The following TTLL5 variants were observed in gnomAD, a reference collection of about 807,000 sequenced individuals.
TTLL5 encodes the protein tubulin polyglutamylase TTLL5.
In TTLL5, 132 loss-of-function variants were observed where a neutral mutation model predicts 168.4. The ratio of observed to expected loss-of-function variants is 0.78; its 90% confidence interval spans 0.68 to 0.91. The LOEUF (loss-of-function observed/expected upper bound fraction) is 0.91. TTLL5 is among the 40% of genes least tolerant of loss of function. TTLL5 has a pLI of 0.00. For synonymous variants in TTLL5, 546 were observed against 558.6 expected, an observed-to-expected ratio of 0.98 and a Z score of 0.32; for missense variants, 1,545 against 1,581.5, an observed-to-expected ratio of 0.98 and a Z score of 0.39.
At chr14:75,808,405 A>G (rs989045265) in intron 27 of TTLL5, among the ~76,000 whole-genome samples, 2 of 152,190 alleles carry the variant, frequency 1.3e-5, no homozygotes, top group East Asian at 1.9e-4. Context: ...GGTTTATTTT[A>G]TCAGCATCCA....
At chr14:75,735,349 T>G in intron 15 of TTLL5, 60 bp downstream of exon 15, 2 of 1,539,098 alleles carry the variant, frequency 1.3e-6, no homozygotes, top group Non-Finnish European at 1.8e-6. Flanking sequence ...GCGGCTGATG[T>G]AACTGTGGGA....
intron 9 of TTLL5, chr14:75,709,441 T>C: frequency 8.9e-6 from 4 of 451,570 alleles, no homozygotes; most frequent in Non-Finnish European, 1.6e-5. Context: ...GTCATATTCT[T>C]AACTGAGATT....
chr14:75,773,153 T>C (rs1044279802), intron 21 of TTLL5, among the ~76,000 whole-genome samples: 2 of 152,208 alleles, frequency 1.3e-5, no homozygotes, highest in Non-Finnish European at 2.9e-5. Context: ...AAACAACTTA[T>C]GAATTTAAAG....
At chr14:75,926,434 T>C (rs2034072934) in intron 31 of TTLL5, among the ~76,000 whole-genome samples, 1 of 152,190 alleles carries the variant, frequency 6.6e-6, no homozygotes, top group African/African-American at 2.4e-5. Flanking sequence ...ATGCAGTTTC[T>C]TCATAGCATC....
chr14:75,694,529 T>C (rs1286403318), intron 6 of TTLL5, among the ~76,000 whole-genome samples: 1 of 152,124 alleles, frequency 6.6e-6, no homozygotes, highest in African/African-American at 2.4e-5. Context: ...AGATGGGGTT[T>C]CACCATGTTG....
At chr14:75,775,443 A>G (rs1221805472) in intron 21 of TTLL5, 41 bp from the exon 22 acceptor site, 5 of 1,607,430 alleles carry the variant, frequency 3.1e-6, no homozygotes, top group Admixed American at 1.7e-5. Flanking sequence ...GCTTAGCACC[A>G]TCCCTCCTTT....
chr14:75,873,046 A>G (rs2139990340), intron 29 of TTLL5, among the ~76,000 whole-genome samples: 1 of 150,876 alleles, frequency 6.6e-6, no homozygotes, highest in East Asian at 2.0e-4. Flanking sequence ...TGTTAACTAT[A>G]TGCATACTGT....
chr14:75,797,429 T>C (rs554187008), intron 27 of TTLL5, among the ~76,000 whole-genome samples: 1 of 152,278 alleles, frequency 6.6e-6, no homozygotes, highest in Admixed American at 6.5e-5. Flanking sequence ...CTGATTGCTT[T>C]GGCTAGGACT....
intron 27 of TTLL5, among the ~76,000 whole-genome samples, chr14:75,804,448 T>C (rs997928118): frequency 2.6e-5 from 4 of 152,202 alleles, no homozygotes; most frequent in Admixed American, 2.0e-4. Context: ...TTTGAAATGG[T>C]TACAGATGTT....
At chr14:75,675,082 G>A (rs1325624901) in intron 3 of TTLL5, among the ~76,000 whole-genome samples, 1 of 151,824 alleles carries the variant, frequency 6.6e-6, no homozygotes, top group Non-Finnish European at 1.5e-5. Context: ...CTCCCCACAG[G>A]CAAATTGTTT....
intron 31 of TTLL5, among the ~76,000 whole-genome samples, chr14:75,950,586 C>T (rs532710906): frequency 6.6e-6 from 1 of 152,236 alleles, no homozygotes; most frequent in African/African-American, 2.4e-5. Flanking sequence ...GGTACGATGC[C>T]GATCATTATC....
intron 6 of TTLL5, among the ~76,000 whole-genome samples, chr14:75,695,819 T>G (rs926064769): frequency 1.6e-4 from 2 of 12,644 alleles, no homozygotes; most frequent in South Asian, 2.8e-3. Flanking sequence ...TCCCCTCCCC[T>G]CCCCGACTTC....
At chr14:75,920,473 C>A (rs1478629951) in intron 31 of TTLL5, among the ~76,000 whole-genome samples, 1 of 152,054 alleles carries the variant, frequency 6.6e-6, no homozygotes, top group Non-Finnish European at 1.5e-5. Context: ...TTGTTCAGTT[C>A]CCACCTGTGA....
At chr14:75,828,181 G>A (rs175888) in intron 28 of TTLL5, among the ~76,000 whole-genome samples, 21,564 of 152,080 alleles carry the variant, frequency 0.14, 2,115 homozygotes, top group East Asian at 0.4. Flanking sequence ...TAAATTGGAT[G>A]TACTTAAAGG....
At chr14:75,781,549 C>T (rs183257834) in intron 24 of TTLL5, among the ~76,000 whole-genome samples, 24 of 152,216 alleles carry the variant, frequency 1.6e-4, no homozygotes, top group Non-Finnish European at 7.4e-5. Flanking sequence ...ATATGATTAG[C>T]TCTGGCTATT....
chr14:75,819,980 A>G (rs776141066), intron 27 of TTLL5, 27 bp from the exon 28 acceptor site: 61 of 1,573,550 alleles, frequency 3.9e-5, no homozygotes, highest in Non-Finnish European at 1.7e-6. Flanking sequence ...CTGTAAAGTC[A>G]GGTTATTTCC....
intron 15 of TTLL5, among the ~76,000 whole-genome samples, chr14:75,742,291 ACT>A (rs1360027069): frequency 6.6e-6 from 1 of 152,006 alleles, no homozygotes; most frequent in Non-Finnish European, 1.5e-5. Flanking sequence ...GCTGTTTCTT[ACT>A]CTCTCTTTAC....
chr14:75,910,782 G>T (rs1205058354), intron 31 of TTLL5, among the ~76,000 whole-genome samples: 1 of 152,198 alleles, frequency 6.6e-6, no homozygotes, highest in Admixed American at 6.5e-5. Flanking sequence ...GATTTGTATT[G>T]ATTTTTATCC....
chr14:75,936,418 C>T (rs2034434187), intron 31 of TTLL5, among the ~76,000 whole-genome samples: 1 of 152,150 alleles, frequency 6.6e-6, no homozygotes, highest in Non-Finnish European at 1.5e-5. Flanking sequence ...TCTTGCTCTC[C>T]CTCCCTCTCT....
Sources: allele counts gnomAD v4.1 joint callset (sites outside exome capture counted in the v4.1 genomes callset), GRCh38; gene constraint gnomAD v4.1.1; transcripts MANE v1.5; gene names NCBI Gene and HGNC (gene_info 2026-07-23, HGNC 2026-07-21).